STX3: variants seen among roughly 807,000 people sequenced by gnomAD.
STX3 encodes the protein syntaxin-3.
A neutral mutation model predicts 40.2 loss-of-function variants in STX3; 19 were observed. The ratio of observed to expected loss-of-function variants is 0.47; its 90% CI spans 0.33 to 0.69. STX3 has a LOEUF of 0.69. STX3 is among the 30% of genes least tolerant of loss of function. The pLI is 0.02. For missense variants in STX3, 364 were observed against 366.7 expected, an observed-to-expected ratio of 0.99 and a Z score of 0.06; for synonymous variants, 122 against 132.2, an observed-to-expected ratio of 0.92 and a Z score of 0.53.
chr11:59,804,710 C>G lies in STX3; in HGVS notation c.*3886C>G, dbSNP rs1276675146. On this transcript the variant is annotated 3_prime_UTR_variant, in exon 11 of 11. Coordinates refer to ENST00000337979, the MANE Select transcript of STX3 (RefSeq NM_004177.5). ...TGGCTCCAGGACTGTGGTTCAATAA[C>G]GAAATACAGGCCCACAAAATAAAAT... 2.0e-5 allele frequency: 3 copies of G among 152,126 alleles called. No homozygotes were observed. Among genetic ancestry groups the G allele is most frequent in the Non-Finnish European group, 4.4e-5 (3 of 68,048 alleles). 9.4% of individuals were successfully genotyped at this position (152,126 alleles called of 1,614,324 possible). A position where few individuals can be genotyped will look rare whatever the true frequency, so the allele number is the denominator to read the frequency against.
chr11:59,772,438 C>T (rs902823271), intron 1 of STX3, among the ~76,000 whole-genome samples: 21 of 152,072 alleles, frequency 1.4e-4, no homozygotes, highest in African/African-American at 4.3e-4. Flanking sequence ...GGCTGGGGGC[C>T]GGGGGAGAGC....
At chr11:59,781,602 T>C (rs1419901030) in intron 2 of STX3, 2 of 1,613,752 alleles carry the variant, frequency 1.2e-6, no homozygotes, top group African/African-American at 1.3e-5. Flanking sequence ...ACAATCTGGC[T>C]TGGCCATTGC....
At chr11:59,778,641 A>C (rs547071459) in intron 2 of STX3, among the ~76,000 whole-genome samples, 1 of 152,308 alleles carries the variant, frequency 6.6e-6, no homozygotes, top group East Asian at 1.9e-4. Context: ...CTGTGATCAA[A>C]TATGTTTGAG....
At chr11:59,797,174 T>TTAC in intron 9 of STX3, 109 bp from the exon 10 acceptor site, 1 of 754,860 alleles carries the variant, frequency 1.3e-6, no homozygotes, top group Non-Finnish European at 2.3e-6. Context: ...TTACTCAGAC[T>TTAC]GGTAAGATAT....
In STX3 at chr11:59,787,042, G is replaced by A; in HGVS notation, c.120G>A (p.Glu40=). 1 of 1,613,760 alleles carries A rather than the reference G, an allele frequency of 6.2e-7. No homozygotes were observed. The highest frequency in any genetic ancestry group is 8.5e-7 in the Non-Finnish European group (1 of 1,179,712). ...AFMDEFFSEI[E]ETRLNIDKIS... is the part of the protein sequence containing the mutation. ...TATTGTCTTTCTGATTATAGATTGA[G>A]GAAACTCGGCTTAACATTGACAAGA... The change falls in exon 3 of 11, where the codon GAG becomes GAA. Residue 40 remains glutamate, a synonymous_variant. Coordinates refer to ENST00000337979, the MANE Select transcript of STX3 (RefSeq NM_004177.5).
At position 59,790,592 on chromosome 11, in the gene STX3, A is replaced by G. The variant is rs1283185946; in HGVS notation, c.357+6A>G. On this transcript the variant is annotated splice_donor_region_variant and intron_variant, in intron 5 of 10. Coordinates refer to ENST00000337979, the MANE Select transcript of STX3 (RefSeq NM_004177.5). The stretch of plus-strand genomic sequence containing the variant: ...TTCGGATTCGGAAATCCCAGGTAAG[A>G]CTTTTCCTGGTCTCATGATTAGCTA... 6.2e-7 allele frequency: 1 copy of G among 1,607,920 alleles called. No individual in the cohort carries two copies. Among genetic ancestry groups the G allele is most frequent in the East Asian group, 2.2e-5 (1 of 44,862 alleles).
At chr11:59,799,569 C>T in intron 10 of STX3, 1 of 756,356 alleles carries the variant, frequency 1.3e-6, no homozygotes, top group Non-Finnish European at 1.6e-6. Flanking sequence ...ATTACCAACT[C>T]ATATAAGTTG....
intron 1 of STX3, among the ~76,000 whole-genome samples, chr11:59,760,253 C>A (rs944415208): frequency 6.6e-6 from 1 of 152,298 alleles, no homozygotes; most frequent in African/African-American, 2.4e-5. Context: ...TGTCCTCTCT[C>A]TCTTCCAAAG....
intron 10 of STX3, chr11:59,799,882 T>C: frequency 1.0e-6 from 1 of 985,444 alleles, no homozygotes; most frequent in Non-Finnish European, 1.2e-6. Context: ...ATGTGAACTT[T>C]AAATTTTGGT....
At chr11:59,791,591 T>G (rs967995748) in intron 5 of STX3, among the ~76,000 whole-genome samples, 4 of 152,182 alleles carry the variant, frequency 2.6e-5, no homozygotes, top group African/African-American at 9.7e-5. Flanking sequence ...GAGAAACCAG[T>G]AAGTAGGGCT....
intron 1 of STX3, among the ~76,000 whole-genome samples, chr11:59,760,883 A>G (rs761982644): frequency 3.3e-5 from 5 of 152,226 alleles, no homozygotes; most frequent in Admixed American, 6.5e-5. Context: ...CTCTGATGCA[A>G]CAGCAGTTAT....
chr11:59,772,321 A>T (rs578094347), intron 1 of STX3, among the ~76,000 whole-genome samples: 1 of 152,354 alleles, frequency 6.6e-6, no homozygotes, highest in African/African-American at 2.4e-5. Flanking sequence ...GAAACAGCTC[A>T]GGCCCTTATG....
In STX3 at chr11:59,793,190, T is replaced by C; in HGVS notation, c.540+18T>C. 2 of 1,612,428 alleles carry C rather than the reference T, an allele frequency of 1.2e-6. No homozygotes were observed. The highest frequency in any genetic ancestry group is 1.7e-6 in the Non-Finnish European group (2 of 1,179,624). On this transcript the variant is annotated intron_variant, in intron 7 of 10. Transcript: ENST00000337979. Reference sequence around the variant, plus strand: ...CTTCTGGGGTGAGTGCCCTGTGTGCTCGGATAGCACATCCCTCTCGTGAGC... The same window carrying C: ...CTTCTGGGGTGAGTGCCCTGTGTGCCCGGATAGCACATCCCTCTCGTGAGC...
chr11:59,797,247 A>G (rs1865577022), intron 9 of STX3, 36 bp from the exon 10 acceptor site: 13 of 1,555,682 alleles, frequency 8.4e-6, no homozygotes, highest in Non-Finnish European at 1.2e-5. Flanking sequence ...GGTTGTTTGT[A>G]ATAATGATTT....
Position 59,801,425 on chromosome 11 carries a change from T to C in STX3, c.*601T>C. The C allele has an allele frequency of 1.0e-6, 1 of 987,140 alleles. No individual in the cohort carries two copies. The highest frequency in any genetic ancestry group is 1.2e-6 in the Non-Finnish European group (1 of 830,908). The allele number at this position is 987,140 out of a possible 1,614,324, so 61.1% of individuals were successfully genotyped here. On this transcript the variant is annotated 3_prime_UTR_variant, in exon 11 of 11. Transcript: ENST00000337979. ...TGAAATTCAGCCTTAAATTAAGCTC[T>C]TAGTTGTTCAGCTTGGGGGGCAACT...
At chr11:59,756,357 G>A (rs998194841) in intron 1 of STX3, among the ~76,000 whole-genome samples, 2 of 152,198 alleles carry the variant, frequency 1.3e-5, no homozygotes, top group African/African-American at 4.8e-5. Flanking sequence ...CTGATACAAT[G>A]GAACTTGATA....
chr11:59,790,620 C>G (rs780684938), intron 5 of STX3, 34 bp downstream of exon 5: 1 of 1,512,966 alleles, frequency 6.6e-7, no homozygotes, highest in Non-Finnish European at 9.2e-7. Context: ...ATTAGCTAGT[C>G]CAATCTCTTA....
intron 2 of STX3, among the ~76,000 whole-genome samples, chr11:59,777,365 A>G (rs762409181): frequency 3.3e-5 from 5 of 152,210 alleles, no homozygotes; most frequent in Admixed American, 6.5e-5. Flanking sequence ...TGCCTACTGC[A>G]GCTATGCACC....
intron 2 of STX3, among the ~76,000 whole-genome samples, chr11:59,775,855 A>C (rs973828102): frequency 6.6e-6 from 1 of 151,994 alleles, no homozygotes; most frequent in Admixed American, 6.6e-5. Flanking sequence ...TTAGGGAAAA[A>C]CCCCGTGAAA....
Sources: gnomAD v4.1 joint callset for allele counts (sites outside exome capture counted in the v4.1 genomes callset) on GRCh38, gnomAD v4.1.1 for gene constraint, MANE v1.5 for transcripts, NCBI Gene and HGNC (gene_info 2026-07-23, HGNC 2026-07-21) for gene names.